Variants in JPH1 observed in about 807,000 individuals in gnomAD.
JPH1 encodes junctophilin 1, also known as junctophilin-1.
A neutral mutation model predicts 53.6 loss-of-function variants in JPH1; 12 were observed. That is an observed-to-expected ratio of 0.22 (90% CI 0.14 to 0.36). The LOEUF (loss-of-function observed/expected upper bound fraction) is 0.36. JPH1 is among the 10% of genes least tolerant of loss of function. The probability of loss-of-function intolerance (pLI) is 1.00; values close to 1 mark genes in which losing one functional copy is unlikely to be tolerated. For missense variants in JPH1, 808 were observed against 905.5 expected (o/e 0.89, Z 1.38); for synonymous variants, 375 against 363.8 (o/e 1.03, Z -0.35).
At chr8:74,293,041 C>T (rs1298889887) in intron 2 of JPH1, among the ~76,000 whole-genome samples, 1 of 152,158 alleles carries the variant, frequency 6.6e-6, no homozygotes, top group Non-Finnish European at 1.5e-5. Flanking sequence ...TGTGGTCATA[C>T]AAACCACAGG....
intron 2 of JPH1, among the ~76,000 whole-genome samples, chr8:74,275,339 C>T (rs116462399): frequency 0.014 from 2,172 of 152,210 alleles, 53 homozygotes; most frequent in African/African-American, 0.048. Flanking sequence ...TACTGGAGGG[C>T]ACATGTTACT....
In JPH1 at chr8:74,275,701, G is replaced by A. The variant is rs117988272; in HGVS notation, c.1140-16198C>T. Among the ~76,000 whole-genome samples the A allele has an allele frequency of 1.6e-3, 245 of 152,326 alleles. 5 individuals carry two copies. The East Asian group carries it at 0.045, about 28-fold the overall frequency. On this transcript the variant is annotated intron_variant, in intron 2 of 5. Coordinates refer to ENST00000342232, the MANE Select transcript of JPH1 (RefSeq NM_020647.4). ...CAAGAACCTGCCTTGGAAGCCCACT[G>A]TGGCTACATCACAACAGACAATGGG...
intron 4 of JPH1, among the ~76,000 whole-genome samples, chr8:74,237,562 A>G (rs2131371316): frequency 6.6e-6 from 1 of 152,352 alleles, no homozygotes; most frequent in Middle Eastern, 3.4e-3. Flanking sequence ...CACTTCATTC[A>G]CCTCAAAACA....
chr8:74,271,325 C>G (rs1418439890), intron 2 of JPH1, among the ~76,000 whole-genome samples: 1 of 151,692 alleles, frequency 6.6e-6, no homozygotes, highest in African/African-American at 2.4e-5. Flanking sequence ...CCTGCTGCTT[C>G]GCCGCTATCT....
chr8:74,258,843 ACT>A (rs1806310208), intron 3 of JPH1, among the ~76,000 whole-genome samples: 1 of 152,118 alleles, frequency 6.6e-6, no homozygotes, highest in East Asian at 1.9e-4. Context: ...GAAGGGTGAG[ACT>A]CTGGGGAATA....
chr8:74,255,023 C>T (rs974382697), intron 3 of JPH1, among the ~76,000 whole-genome samples: 12 of 152,194 alleles, frequency 7.9e-5, no homozygotes, highest in Admixed American at 2.6e-4. Flanking sequence ...ATGACTTTCT[C>T]CACAGAATTG....
intron 2 of JPH1, among the ~76,000 whole-genome samples, chr8:74,304,276 T>C (rs1481650808): frequency 2.0e-5 from 3 of 152,246 alleles, no homozygotes; most frequent in Non-Finnish European, 4.4e-5. Flanking sequence ...CTAAGAATGA[T>C]TAAAGTTGGT....
intron 2 of JPH1, among the ~76,000 whole-genome samples, chr8:74,293,637 T>C (rs1807406040): frequency 6.6e-6 from 1 of 152,238 alleles, no homozygotes; most frequent in Non-Finnish European, 1.5e-5. Context: ...AAAGATTTTA[T>C]AGGCATGCTT....
intron 2 of JPH1, among the ~76,000 whole-genome samples, chr8:74,280,924 A>C (rs973875): frequency 0.28 from 42,259 of 152,060 alleles, 6,117 homozygotes; most frequent in South Asian, 0.45. Context: ...ATTCGCTCTA[A>C]TTTATGTATA....
rs529168397 is a variant in JPH1 at position 74,320,835 on chromosome 8, C to A, written c.379+74G>T. The A allele has an allele frequency of 2.0e-5, 29 of 1,416,500 alleles. No individual in the cohort carries two copies. In the African/African-American group the frequency reaches 3.2e-4, roughly 15 times the overall value. 87.7% of individuals were successfully genotyped at this position (1,416,500 alleles called of 1,614,324 possible). A position where few individuals can be genotyped will look rare whatever the true frequency, so the allele number is the denominator to read the frequency against. On this transcript the variant is annotated intron_variant, in intron 1 of 5. Coordinates refer to ENST00000342232, the MANE Select transcript of JPH1 (RefSeq NM_020647.4). This position sits in a 1 kb window ranked among gnomAD's most constrained non-coding sequence, Gnocchi z 4.4. ...GGACACGTGCGCCCGGCGTCCTCCC[C>A]GCTTCCCCGCAGCCGGGGCAGAGCC...
intron 2 of JPH1, among the ~76,000 whole-genome samples, chr8:74,289,488 T>G (rs1196820536): frequency 6.6e-6 from 1 of 152,226 alleles, no homozygotes; most frequent in African/African-American, 2.4e-5. Context: ...CACTAAGAAC[T>G]GGTGTTCCCA....
intron 2 of JPH1, among the ~76,000 whole-genome samples, chr8:74,295,180 C>G (rs1438433447): frequency 1.3e-5 from 2 of 152,186 alleles, no homozygotes; most frequent in Admixed American, 1.3e-4. Context: ...TGGTTTCCTT[C>G]AGGCCCTGCT....
chr8:74,295,141 C>T (rs954622171), intron 2 of JPH1, among the ~76,000 whole-genome samples: 3 of 152,146 alleles, frequency 2.0e-5, no homozygotes, highest in African/African-American at 7.2e-5. Flanking sequence ...GAAAGCTTTT[C>T]TCCCCTTTCT....
intron 2 of JPH1, among the ~76,000 whole-genome samples, chr8:74,285,636 G>A (rs1421084622): frequency 1.3e-5 from 2 of 151,272 alleles, no homozygotes; most frequent in Non-Finnish European, 3.0e-5. Context: ...CACCTAGTGT[G>A]ATTATTCAGT....
chr8:74,249,095 G>A (rs952752312), intron 3 of JPH1, among the ~76,000 whole-genome samples: 1 of 152,062 alleles, frequency 6.6e-6, no homozygotes, highest in Non-Finnish European at 1.5e-5. Flanking sequence ...ACACTCAAAG[G>A]TTACTCGTTA....
At chr8:74,281,220 A>G (rs1807009129) in intron 2 of JPH1, among the ~76,000 whole-genome samples, 1 of 152,254 alleles carries the variant, frequency 6.6e-6, no homozygotes, top group Non-Finnish European at 1.5e-5. Flanking sequence ...CAGATAAAGA[A>G]GATTTTTATC....
chr8:74,254,433 T>C (rs1806158168), intron 3 of JPH1, among the ~76,000 whole-genome samples: 1 of 152,050 alleles, frequency 6.6e-6, no homozygotes, highest in Admixed American at 6.5e-5. Context: ...CCACAGCCAA[T>C]ATCATACTGA....
chr8:74,273,767 T>A (rs750466653), intron 2 of JPH1, among the ~76,000 whole-genome samples: 2 of 152,248 alleles, frequency 1.3e-5, no homozygotes, highest in South Asian at 4.1e-4. Context: ...AAAAATAATA[T>A]AGCGCATTTT....
chr8:74,311,151 C>G (rs1432243516), intron 2 of JPH1, among the ~76,000 whole-genome samples: 1 of 152,178 alleles, frequency 6.6e-6, no homozygotes, highest in East Asian at 1.9e-4. Context: ...GTGATTTACA[C>G]TACCTGGGTG....
Sources: allele counts gnomAD v4.1 joint callset (sites outside exome capture counted in the v4.1 genomes callset), GRCh38; gene constraint gnomAD v4.1.1; non-coding constraint Gnocchi (gnomAD v3.1); transcripts MANE v1.5; gene names NCBI Gene and HGNC (gene_info 2026-07-23, HGNC 2026-07-21).